Variants in GRIN2A observed in about 807,000 individuals in gnomAD.
GRIN2A encodes glutamate receptor ionotropic, NMDA 2A.
GRIN2A carries 22 observed loss-of-function variants against 113.4 expected under a neutral mutation model. The observed-to-expected ratio is 0.19, with a 90% CI of 0.14 to 0.28. GRIN2A has a LOEUF of 0.28. GRIN2A is among the 10% of genes least tolerant of loss of function. The pLI is 1.00. For missense variants in GRIN2A, 1,502 were observed against 1,887.0 expected (o/e 0.80, Z 3.78); for synonymous variants, 827 against 738.4 (o/e 1.12, Z -1.94).
At chr16:9,803,009 G>C (rs1306537882) in intron 10 of GRIN2A, among the ~76,000 whole-genome samples, 1 of 137,860 alleles carries the variant, frequency 7.3e-6, no homozygotes, top group African/African-American at 2.8e-5. Flanking sequence ...AATTGTTCCT[G>C]TTGTTAAAAA....
chr16:9,822,167 C>T (rs1046265341), intron 10 of GRIN2A, 97 bp downstream of exon 10: 6 of 1,263,268 alleles, frequency 4.7e-6, no homozygotes, highest in Non-Finnish European at 7.0e-6. Flanking sequence ...TCCAGAAATA[C>T]AATGGGAGCA....
chr16:10,144,055 G>C (rs1166369789), intron 2 of GRIN2A, among the ~76,000 whole-genome samples: 2 of 152,152 alleles, frequency 1.3e-5, no homozygotes, highest in South Asian at 2.1e-4. Flanking sequence ...TGAGGGTACA[G>C]ATATTTCTTT....
At chr16:10,149,464 TG>T (rs2049521273) in intron 2 of GRIN2A, among the ~76,000 whole-genome samples, 1 of 152,264 alleles carries the variant, frequency 6.6e-6, no homozygotes, top group African/African-American at 2.4e-5. Context: ...GTACTAATTT[TG>T]CAACTTTTCT....
chr16:9,973,137 T>C (rs1262307973), intron 2 of GRIN2A, among the ~76,000 whole-genome samples: 2 of 152,158 alleles, frequency 1.3e-5, no homozygotes, highest in African/African-American at 4.8e-5. Context: ...GTACCGATCT[T>C]AGGTTTTACA....
intron 2 of GRIN2A, among the ~76,000 whole-genome samples, chr16:10,120,695 C>A (rs1305957670): frequency 2.0e-5 from 3 of 152,288 alleles, no homozygotes; most frequent in Admixed American, 2.0e-4. Context: ...CTGGAAGACA[C>A]CTGCAATCTC....
intron 2 of GRIN2A, among the ~76,000 whole-genome samples, chr16:10,102,104 A>G (rs927923915): frequency 1.8e-4 from 27 of 152,212 alleles, no homozygotes; most frequent in Non-Finnish European, 3.4e-4. Flanking sequence ...ATTTTCACCA[A>G]CTATTTCAAT....
chr16:9,969,491 A>C (rs1233630892), intron 2 of GRIN2A, among the ~76,000 whole-genome samples: 1 of 152,158 alleles, frequency 6.6e-6, no homozygotes, highest in Non-Finnish European at 1.5e-5. Flanking sequence ...AATGCCTTCC[A>C]AATCCAGATC....
intron 2 of GRIN2A, among the ~76,000 whole-genome samples, chr16:10,026,516 C>T (rs892237999): frequency 2.0e-5 from 3 of 151,884 alleles, no homozygotes; most frequent in African/African-American, 4.8e-5. Context: ...GAAAGTCCTT[C>T]CTAAATTTAA....
intron 4 of GRIN2A, among the ~76,000 whole-genome samples, chr16:9,870,579 T>A (rs1044794594): frequency 4.6e-5 from 7 of 152,084 alleles, no homozygotes; most frequent in African/African-American, 1.4e-4. Flanking sequence ...GAGATATTAT[T>A]ACAATTTTTC....
intron 3 of GRIN2A, among the ~76,000 whole-genome samples, chr16:9,898,616 A>G (rs2043854432): frequency 6.6e-6 from 1 of 151,994 alleles, no homozygotes; most frequent in Non-Finnish European, 1.5e-5. Context: ...CTACTTTGCC[A>G]TTTCTGAAGT....
chr16:10,028,246 A>G (rs1029291727), intron 2 of GRIN2A, among the ~76,000 whole-genome samples: 4 of 152,204 alleles, frequency 2.6e-5, no homozygotes, highest in Non-Finnish European at 4.4e-5. Flanking sequence ...GTTTTGTTAA[A>G]TTCCCCCAAG....
At chr16:9,901,819 G>T (rs551089881) in intron 3 of GRIN2A, among the ~76,000 whole-genome samples, 2 of 152,150 alleles carry the variant, frequency 1.3e-5, no homozygotes, top group African/African-American at 4.8e-5. Context: ...TAAGATATTT[G>T]CTCATCCATG....
chr16:10,112,624 C>T (rs867429032), intron 2 of GRIN2A: 32 of 768,408 alleles, frequency 4.2e-5, no homozygotes, highest in Non-Finnish European at 6.2e-5. Flanking sequence ...GGCATGGGCT[C>T]GCTAGATGCC....
At chr16:10,018,307 G>C (rs905719953) in intron 2 of GRIN2A, among the ~76,000 whole-genome samples, 1 of 152,174 alleles carries the variant, frequency 6.6e-6, no homozygotes, top group Non-Finnish European at 1.5e-5. Context: ...TCTGATCTCA[G>C]TAAGGTAAGA....
chr16:10,143,581 G>A (rs2049372438), intron 2 of GRIN2A, among the ~76,000 whole-genome samples: 1 of 152,138 alleles, frequency 6.6e-6, no homozygotes, highest in African/African-American at 2.4e-5. Context: ...TATACTTACT[G>A]AAACTTTAAA....
intron 11 of GRIN2A, among the ~76,000 whole-genome samples, chr16:9,771,690 C>G (rs569859831): frequency 6.6e-6 from 1 of 152,092 alleles, no homozygotes; most frequent in East Asian, 1.9e-4. Context: ...TATTTTCCCT[C>G]TAAGCCCCAT....
At chr16:10,127,848 C>T (rs1178265710) in intron 2 of GRIN2A, among the ~76,000 whole-genome samples, 3 of 152,162 alleles carry the variant, frequency 2.0e-5, no homozygotes, top group Non-Finnish European at 4.4e-5. Context: ...CTGGTCTTTA[C>T]CCTTGGTGTC....
intron 2 of GRIN2A, among the ~76,000 whole-genome samples, chr16:9,975,052 A>G (rs2045748303): frequency 6.6e-6 from 1 of 152,234 alleles, no homozygotes; most frequent in African/African-American, 2.4e-5. Context: ...GAAATAGTTT[A>G]AATTTTATAG....
intron 2 of GRIN2A, among the ~76,000 whole-genome samples, chr16:10,017,841 A>C (rs570226666): frequency 1.3e-5 from 1 of 78,106 alleles, no homozygotes; most frequent in South Asian, 3.7e-4. Flanking sequence ...AAAACAAATC[A>C]AAATTTAAAT....
Sources: allele counts gnomAD v4.1 joint callset (sites outside exome capture counted in the v4.1 genomes callset), GRCh38; gene constraint gnomAD v4.1.1; transcripts MANE v1.5; gene names NCBI Gene and HGNC (gene_info 2026-07-23, HGNC 2026-07-21).